Variants in PCSK5 observed in about 807,000 individuals in gnomAD.
PCSK5 encodes the protein proprotein convertase subtilisin/kexin type 5.
Under a neutral mutation model 233.2 loss-of-function variants are expected in PCSK5, and 129 were observed. The observed-to-expected ratio is 0.55, with a 90% CI of 0.48 to 0.64. The LOEUF (loss-of-function observed/expected upper bound fraction) is 0.64. PCSK5 is among the 30% of genes least tolerant of loss of function. PCSK5 has a pLI of 0.00. For synonymous variants in PCSK5, 825 were observed against 879.2 expected (o/e 0.94, Z 1.09); for missense variants, 2,076 against 2,430.1 (o/e 0.85, Z 3.06).
chr9:76,314,213 G>A (rs1183245038), intron 30 of PCSK5, among the ~76,000 whole-genome samples: 1 of 152,112 alleles, frequency 6.6e-6, no homozygotes, highest in Non-Finnish European at 1.5e-5. Flanking sequence ...TGGAGCAATG[G>A]GACACTACGC....
At chr9:76,063,315 T>C (rs1830100352) in intron 5 of PCSK5, among the ~76,000 whole-genome samples, 1 of 125,032 alleles carries the variant, frequency 8.0e-6, no homozygotes, top group Non-Finnish European at 1.6e-5. Flanking sequence ...CTAATTTCTT[T>C]TTTCTTTTTT....
rs575362608 is a variant in PCSK5, at chr9:75,989,760, G to A, written c.411+3515G>A. Among the ~76,000 whole-genome samples, 61 of 152,244 alleles carry A rather than the reference G, an allele frequency of 4.0e-4. No homozygotes were observed. In the South Asian group the frequency reaches 0.011, roughly 28 times the overall value. ...TCCCAAGCAGGTGATCCAAGAGATC[G>A]TGTTGGAAGTAGTGATGTCTTTTAT... On this transcript the variant is annotated intron_variant, in intron 3 of 37. Transcript: ENST00000674117.
intron 2 of PCSK5, among the ~76,000 whole-genome samples, chr9:75,958,575 C>T (rs1032062858): frequency 1.3e-5 from 2 of 152,100 alleles, no homozygotes; most frequent in Non-Finnish European, 2.9e-5. Context: ...CAGGCCATTA[C>T]CTGTGTAAGA....
At chr9:76,205,424 A>C (rs1029237973) in intron 20 of PCSK5, among the ~76,000 whole-genome samples, 1 of 152,190 alleles carries the variant, frequency 6.6e-6, no homozygotes, top group African/African-American at 2.4e-5. Context: ...ACTGATGAAC[A>C]GGTACATCAT....
chr9:75,938,440 C>A (rs1481439925), intron 2 of PCSK5, among the ~76,000 whole-genome samples: 1 of 152,142 alleles, frequency 6.6e-6, no homozygotes, highest in African/African-American at 2.4e-5. Context: ...GATCATTGAT[C>A]ACAGATCACC....
chr9:76,308,583 T>A, intron 28 of PCSK5, 62 bp from the exon 29 acceptor site: 1 of 910,364 alleles, frequency 1.1e-6, no homozygotes, highest in African/African-American at 1.6e-5. Context: ...TCTTTTTCAG[T>A]ACTGGAATCC....
intron 24 of PCSK5, among the ~76,000 whole-genome samples, chr9:76,277,254 TTC>T (rs1827722513): frequency 6.6e-6 from 1 of 152,084 alleles, no homozygotes; most frequent in South Asian, 2.1e-4. Flanking sequence ...ATCTAATTTT[TTC>T]TTTTTATTAT....
chr9:76,114,503 T>C (rs987658488), intron 9 of PCSK5, among the ~76,000 whole-genome samples: 1 of 152,122 alleles, frequency 6.6e-6, no homozygotes, highest in Non-Finnish European at 1.5e-5. Flanking sequence ...GAGATGTCTA[T>C]TATAACTGGA....
chr9:75,996,198 G>C (rs767044225), intron 3 of PCSK5, among the ~76,000 whole-genome samples: 13 of 152,104 alleles, frequency 8.5e-5, no homozygotes, highest in Non-Finnish European at 1.8e-4. Flanking sequence ...ACAGCTTAGG[G>C]AATCCCAACT....
At chr9:75,962,218 G>A (rs1284848744) in intron 2 of PCSK5, among the ~76,000 whole-genome samples, 1 of 152,178 alleles carries the variant, frequency 6.6e-6, no homozygotes, top group African/African-American at 2.4e-5. Flanking sequence ...AGCATGGGTG[G>A]TTTCTCAGAA....
intron 14 of PCSK5, 22 bp downstream of exon 14, chr9:76,175,151 C>T (rs754016684): frequency 6.2e-7 from 1 of 1,607,990 alleles, no homozygotes; most frequent in Middle Eastern, 1.6e-4. Context: ...TCCAGTGGGA[C>T]ACAGGCTAAA....
At chr9:76,205,851 C>T (rs187696336) in intron 20 of PCSK5, among the ~76,000 whole-genome samples, 2 of 152,306 alleles carry the variant, frequency 1.3e-5, no homozygotes, top group Admixed American at 1.3e-4. Flanking sequence ...CCCTCCTAAA[C>T]CCTCTACCAA....
chr9:76,189,771 C>A, intron 20 of PCSK5, 25 bp downstream of exon 20: 2 of 1,187,022 alleles, frequency 1.7e-6, no homozygotes, highest in Non-Finnish European at 2.5e-6. Flanking sequence ...CCATATCGAT[C>A]TTATGAAGCA....
chr9:75,945,592 A>G (rs1824528401), intron 2 of PCSK5, among the ~76,000 whole-genome samples: 1 of 131,632 alleles, frequency 7.6e-6, no homozygotes, highest in Admixed American at 8.4e-5. Flanking sequence ...AAACTTCCAG[A>G]GTTCAAAAGA....
intron 2 of PCSK5, among the ~76,000 whole-genome samples, chr9:75,979,774 C>A (rs141920930): frequency 6.6e-6 from 1 of 152,164 alleles, no homozygotes; most frequent in Non-Finnish European, 1.5e-5. Flanking sequence ...TTCAAAGAGG[C>A]CTTTCTTGAC....
Position 76,184,486 on chromosome 9 carries a change from T to TA in PCSK5, c.2198-186dup, listed in dbSNP as rs562912925. 3.7e-3 allele frequency among the ~76,000 whole-genome samples: 566 copies of TA among 152,366 alleles called. 6 individuals are homozygous for TA. The highest frequency in any genetic ancestry group is 0.012 in the African/African-American group (499 of 41,590). On this transcript the variant is annotated intron_variant, in intron 16 of 37. Transcript: ENST00000674117. ...AGAAGTCTAAGGTGTTTTCCAGTGTTACAGTTCCTGTCTGTACTTGGTTTG... is the reference window on the plus strand; with the variant it reads ...AGAAGTCTAAGGTGTTTTCCAGTGTTAACAGTTCCTGTCTGTACTTGGTTTG...
At chr9:75,970,904 A>G (rs1233411491) in intron 2 of PCSK5, among the ~76,000 whole-genome samples, 3 of 152,256 alleles carry the variant, frequency 2.0e-5, no homozygotes, top group Admixed American at 2.0e-4. Flanking sequence ...GATTACAGGC[A>G]TGAGACACCA....
At chr9:76,165,519 A>G (rs1432700591) in intron 12 of PCSK5, among the ~76,000 whole-genome samples, 1 of 152,180 alleles carries the variant, frequency 6.6e-6, no homozygotes, top group Non-Finnish European at 1.5e-5. Flanking sequence ...GATATACTAC[A>G]CTTGATGGTC....
intron 37 of PCSK5, among the ~76,000 whole-genome samples, chr9:76,356,144 AT>A (rs1830297155): frequency 1.3e-5 from 2 of 152,176 alleles, no homozygotes; most frequent in Non-Finnish European, 2.9e-5. Flanking sequence ...CCTAATATCC[AT>A]TCTGTGTCAG....
Sources: allele counts gnomAD v4.1 joint callset (sites outside exome capture counted in the v4.1 genomes callset), GRCh38; gene constraint gnomAD v4.1.1; transcripts MANE v1.5; gene names NCBI Gene and HGNC (gene_info 2026-07-23, HGNC 2026-07-21).